ACVR2A: variants seen among roughly 807,000 people sequenced by gnomAD.
ACVR2A encodes activin receptor type-2A.
ACVR2A carries 7 observed loss-of-function variants against 61.4 expected under a neutral mutation model. The ratio of observed to expected loss-of-function variants is 0.11; its 90% CI spans 0.06 to 0.21. ACVR2A has a LOEUF of 0.21. Ranked by LOEUF, ACVR2A falls within the 10% of genes least tolerant of loss-of-function variation. The pLI is 1.00. For synonymous variants in ACVR2A, 193 were observed against 208.3 expected (o/e 0.93, Z 0.63); for missense variants, 322 against 621.7 (o/e 0.52, Z 5.13).
chr2:147,906,679 A>G (rs954678797), intron 4 of ACVR2A, among the ~76,000 whole-genome samples: 1 of 152,166 alleles, frequency 6.6e-6, no homozygotes, highest in Non-Finnish European at 1.5e-5. Flanking sequence ...TTGTTGATAT[A>G]TGTTAATACT....
chr2:147,926,324 T>C (rs1687498804), intron 10 of ACVR2A, among the ~76,000 whole-genome samples, 163 bp downstream of exon 10: 1 of 151,950 alleles, frequency 6.6e-6, no homozygotes, highest in African/African-American at 2.4e-5. Context: ...GCTATGTCTG[T>C]ATACCCCTGA....
In ACVR2A at chr2:147,848,746, G is replaced by A. The variant is rs935707747; in HGVS notation, c.55+3539G>A. 2.0e-5 allele frequency among the ~76,000 whole-genome samples: 3 copies of A among 151,888 alleles called. No homozygotes were observed. In the South Asian group the frequency reaches 6.2e-4, roughly 31 times the overall value. On this transcript the variant is annotated intron_variant, in intron 1 of 10. Coordinates refer to ENST00000241416, the MANE Select transcript of ACVR2A (RefSeq NM_001616.5). ...CCTGGGTAATGAAGTAATCTGCACAGCAAACCCCATTATACGAGTTTACCC... is the reference window on the plus strand; with the variant it reads ...CCTGGGTAATGAAGTAATCTGCACAACAAACCCCATTATACGAGTTTACCC...
chr2:147,899,558 G>A lies in ACVR2A; in HGVS notation c.364G>A (p.Val122Ile), dbSNP rs773394065. 6.2e-7 allele frequency: 1 copy of A among 1,612,358 alleles called. No homozygotes were observed. The highest frequency in any genetic ancestry group is 8.5e-7 in the Non-Finnish European group (1 of 1,178,822). The change falls in exon 3 of 11, where the codon GTC becomes ATC. Residue 122 changes from valine to isoleucine, a missense_variant. Physicochemically the swap from Val to Ile is conservative, Grantham distance 29 (BLOSUM62 3). Coordinates refer to ENST00000241416, the MANE Select transcript of ACVR2A (RefSeq NM_001616.5). ...GTTTTCTTATTTTCCGGAGATGGAAGTCACACAGCGTAAGTTCACAGGGAA... is the reference window on the plus strand; with the variant it reads ...GTTTTCTTATTTTCCGGAGATGGAAATCACACAGCGTAAGTTCACAGGGAA... ...EKFSYFPEME[V>I]TQPTSNPVTP...
chr2:147,926,916 T>TGG (rs1201203194), intron 10 of ACVR2A, among the ~76,000 whole-genome samples, 164 bp from the exon 11 acceptor site: 2 of 151,884 alleles, frequency 1.3e-5, no homozygotes, highest in African/African-American at 2.4e-5. Flanking sequence ...AAGTTCTGTT[T>TGG]GTGCTTTTCT....
intron 4 of ACVR2A, among the ~76,000 whole-genome samples, chr2:147,903,837 T>C (rs775311126): frequency 1.3e-5 from 2 of 152,010 alleles, no homozygotes; most frequent in African/African-American, 4.8e-5. Flanking sequence ...AGATGAGATA[T>C]GTATTGTAAT....
rs931868537 is a variant in ACVR2A, at chr2:147,927,507, CTT to C, written c.*236_*237del. The C allele has an allele frequency of 2.6e-6, 1 of 383,590 alleles. No individual in the cohort carries two copies. The highest frequency in any genetic ancestry group is 4.6e-6 in the Non-Finnish European group (1 of 218,450). The allele number at this position is 383,590 out of a possible 1,614,324, so 23.8% of individuals were successfully genotyped here. A position where few individuals can be genotyped will look rare whatever the true frequency, so the allele number is the denominator to read the frequency against. ...AAACCTTGCAAACTCTATAAAGAAA[CTT>C]TTGAAAAAGTGTACATGAAGAATGT... is the stretch of plus-strand genomic sequence containing the variant. On this transcript the variant is annotated 3_prime_UTR_variant, in exon 11 of 11. Transcript: ENST00000241416.
At chr2:147,897,922 G>A (rs1486027223) in intron 2 of ACVR2A, among the ~76,000 whole-genome samples, 2 of 152,038 alleles carry the variant, frequency 1.3e-5, no homozygotes, top group African/African-American at 4.8e-5. Flanking sequence ...GAAGAAATTG[G>A]GGAAAAATGA....
chr2:147,894,168 A>C (rs1686665014), intron 1 of ACVR2A, among the ~76,000 whole-genome samples: 3 of 152,024 alleles, frequency 2.0e-5, no homozygotes, highest in Admixed American at 2.0e-4. Flanking sequence ...TCTCTACATC[A>C]GTTGACCATT....
At chr2:147,914,591 T>A (rs1445017264) in intron 4 of ACVR2A, among the ~76,000 whole-genome samples, 1 of 151,990 alleles carries the variant, frequency 6.6e-6, no homozygotes, top group Non-Finnish European at 1.5e-5. Flanking sequence ...GAATTGTTAA[T>A]ATGTTTAAAA....
intron 8 of ACVR2A, among the ~76,000 whole-genome samples, chr2:147,922,202 C>G (rs1227562911): frequency 6.6e-6 from 1 of 151,964 alleles, no homozygotes; most frequent in Non-Finnish European, 1.5e-5. Flanking sequence ...AGTGATCTGT[C>G]TTTATTCTTA....
At chr2:147,879,550 TG>T (rs1365935601) in intron 1 of ACVR2A, among the ~76,000 whole-genome samples, 5 of 152,172 alleles carry the variant, frequency 3.3e-5, no homozygotes, top group Non-Finnish European at 7.3e-5. Context: ...AAGTTAGGGA[TG>T]GGGAGAAAGT....
At chr2:147,906,078 G>A (rs1437124501) in intron 4 of ACVR2A, among the ~76,000 whole-genome samples, 1 of 152,112 alleles carries the variant, frequency 6.6e-6, no homozygotes, top group Non-Finnish European at 1.5e-5. Context: ...GCAAGGAGAT[G>A]TGTATTTAGG....
intron 1 of ACVR2A, among the ~76,000 whole-genome samples, chr2:147,883,242 G>A (rs1468021457): frequency 6.6e-6 from 1 of 152,206 alleles, no homozygotes; most frequent in Non-Finnish European, 1.5e-5. Context: ...CCAGGCTGGA[G>A]TGCAATGGCA....
intron 1 of ACVR2A, among the ~76,000 whole-genome samples, chr2:147,848,389 A>T (rs1411622224): frequency 2.6e-5 from 4 of 152,140 alleles, no homozygotes; most frequent in South Asian, 4.2e-4. Flanking sequence ...TCCATGGGAC[A>T]TTTGGAGACA....
intron 4 of ACVR2A, 72 bp downstream of exon 4, chr2:147,899,970 C>T: frequency 6.8e-7 from 1 of 1,459,966 alleles, no homozygotes; most frequent in Middle Eastern, 1.8e-4. Context: ...TGGTGAAACC[C>T]ACTAACTTAT....
At chr2:147,852,203 T>C (rs570177044) in intron 1 of ACVR2A, among the ~76,000 whole-genome samples, 1 of 152,206 alleles carries the variant, frequency 6.6e-6, no homozygotes, top group Non-Finnish European at 1.5e-5. Context: ...GAATTACACA[T>C]TGCATTATGA....
intron 1 of ACVR2A, among the ~76,000 whole-genome samples, chr2:147,854,748 T>C (rs920510115): frequency 1.3e-5 from 2 of 152,224 alleles, no homozygotes; most frequent in Non-Finnish European, 2.9e-5. Flanking sequence ...CTGAAGCTTA[T>C]AGTCATAAAG....
In ACVR2A at chr2:147,929,549, A is replaced by ATTC. The variant is rs965127298; in HGVS notation, c.*2278_*2280dup. On this transcript the variant is annotated 3_prime_UTR_variant, in exon 11 of 11. Coordinates refer to ENST00000241416, the MANE Select transcript of ACVR2A (RefSeq NM_001616.5). ...GTAGCTAACCAATTTTAAAACTTGTATTCTTTTGAGAACTATTATTAATAG... is the reference window on the plus strand; with the variant it reads ...GTAGCTAACCAATTTTAAAACTTGTATTCTTCTTTTGAGAACTATTATTAATAG... The ATTC allele has an allele frequency of 6.6e-6, 1 of 152,426 alleles. No individual in the cohort carries two copies. Among genetic ancestry groups the ATTC allele is most frequent in the Admixed American group, 6.6e-5 (1 of 15,204 alleles). 9.4% of individuals were successfully genotyped at this position (152,426 alleles called of 1,614,324 possible).
chr2:147,878,518 A>G (rs1027279997), intron 1 of ACVR2A, among the ~76,000 whole-genome samples: 4 of 151,980 alleles, frequency 2.6e-5, no homozygotes, highest in Non-Finnish European at 5.9e-5. Context: ...TAGAATGTCT[A>G]TCTGAAATTT....
Sources: allele counts gnomAD v4.1 joint callset (sites outside exome capture counted in the v4.1 genomes callset), GRCh38; gene constraint gnomAD v4.1.1; transcripts MANE v1.5; gene names NCBI Gene and HGNC (gene_info 2026-07-23, HGNC 2026-07-21).